The following TBXAS1 variants were observed in gnomAD, a reference collection of about 807,000 sequenced individuals.
TBXAS1 encodes thromboxane A synthase 1.
In TBXAS1, 48 loss-of-function variants were observed where a neutral mutation model predicts 60.7. The observed-to-expected ratio is 0.79, with a 90% CI of 0.63 to 1.01. The LOEUF (loss-of-function observed/expected upper bound fraction) is 1.01, where lower values mean the gene tolerates loss of function less well. Among genes scored for constraint, TBXAS1 ranks in the 50% least tolerant of loss-of-function variants. The pLI, the probability that TBXAS1 is intolerant of heterozygous loss-of-function variation, is 0.00. For synonymous variants in TBXAS1, 287 were observed against 269.7 expected (o/e 1.06, Z -0.63); for missense variants, 685 against 686.3 (o/e 1.00, Z 0.02).
chr7:139,955,079 G>A (rs1028041683), intron 6 of TBXAS1, among the ~76,000 whole-genome samples: 18 of 152,180 alleles, frequency 1.2e-4, no homozygotes, highest in African/African-American at 4.3e-4. Context: ...GCATGTAGGC[G>A]TTGGGTCACC....
Position 139,957,640 on chromosome 7 carries a change from T to C in TBXAS1, c.695T>C (p.Phe232Ser), listed in dbSNP as rs1809972666. 1 of 1,613,994 alleles carries C rather than the reference T, an allele frequency of 6.2e-7. No individual in the cohort carries two copies. Among genetic ancestry groups the C allele is most frequent in the Non-Finnish European group, 8.5e-7 (1 of 1,180,026 alleles). Reference sequence around the variant, plus strand: ...TTTGTTTTTCTCTTTCAAGTATCATTTCCATCCATAATGGTCCCACTGGCC... The same window carrying C: ...TTTGTTTTTCTCTTTCAAGTATCATCTCCATCCATAATGGTCCCACTGGCC... Reference protein sequence around the residue: ...PRPILVLLLSFPSIMVPLARI... With the variant: ...PRPILVLLLSSPSIMVPLARI... Residue 232 changes from phenylalanine (F) to serine (S), a missense_variant, in exon 8 of 13, where the codon TTT (phenylalanine) becomes TCT (serine). Transcript: ENST00000448866.
At chr7:140,015,022 T>C (rs1314715849) in intron 10 of TBXAS1, among the ~76,000 whole-genome samples, 3 of 152,184 alleles carry the variant, frequency 2.0e-5, no homozygotes, top group Non-Finnish European at 4.4e-5. Flanking sequence ...GTATCTAATG[T>C]ACTATTCTTC....
chr7:139,965,960 A>G (rs1810759338), intron 9 of TBXAS1, among the ~76,000 whole-genome samples: 1 of 151,596 alleles, frequency 6.6e-6, no homozygotes, highest in Admixed American at 6.6e-5. Flanking sequence ...AATGCAGATT[A>G]GATGTTCACA....
intron 3 of TBXAS1, among the ~76,000 whole-genome samples, chr7:139,889,843 A>C (rs1317920326): frequency 6.6e-6 from 1 of 152,200 alleles, no homozygotes; most frequent in African/African-American, 2.4e-5. Context: ...AGATTTCAAC[A>C]TATGAATCTG....
At chr7:139,890,656 AC>A (rs1803528587) in intron 3 of TBXAS1, among the ~76,000 whole-genome samples, 1 of 152,246 alleles carries the variant, frequency 6.6e-6, no homozygotes, top group Non-Finnish European at 1.5e-5. Flanking sequence ...CCCATAAAAG[AC>A]AACCATTAAT....
chr7:139,797,225 G>A (rs1417680101), intron 4 of TBXAS1: 1 of 152,208 alleles, frequency 6.6e-6, no homozygotes, highest in Non-Finnish European at 1.5e-5. Context: ...TTGAGGAAGA[G>A]CCATAACTAC....
chr7:139,824,049 G>A (rs1201001647), intron 4 of TBXAS1, among the ~76,000 whole-genome samples: 1 of 152,202 alleles, frequency 6.6e-6, no homozygotes, highest in Non-Finnish European at 1.5e-5. Context: ...CAGCAGAGAA[G>A]GAAGGCACCA....
chr7:139,889,745 G>T (rs1027073028), intron 3 of TBXAS1, among the ~76,000 whole-genome samples: 2 of 152,176 alleles, frequency 1.3e-5, no homozygotes, highest in African/African-American at 2.4e-5. Context: ...CTTTATAAGA[G>T]CACTAATCCT....
Position 139,975,827 on chromosome 7 carries a change from G to A in TBXAS1, c.1134+13594G>A, listed in dbSNP as rs1313201743. Among the ~76,000 whole-genome samples the A allele has an allele frequency of 2.0e-5, 3 of 152,184 alleles. No homozygotes were observed. Among genetic ancestry groups the A allele is most frequent in the African/African-American group, 7.2e-5 (3 of 41,440 alleles). Reference sequence around the variant, plus strand: ...CTTCGTGGCCCATGTGGCACAAGATGAAGAGTGCATGGGCAGCTTCTCCCC... The same window carrying A: ...CTTCGTGGCCCATGTGGCACAAGATAAAGAGTGCATGGGCAGCTTCTCCCC... On this transcript the variant is annotated intron_variant, in intron 9 of 12. Coordinates refer to ENST00000448866, the MANE Select transcript of TBXAS1 (RefSeq NM_001061.7). This position sits in a 1 kb window ranked among gnomAD's most constrained non-coding sequence, Gnocchi z 4.4.
intron 9 of TBXAS1, among the ~76,000 whole-genome samples, chr7:139,986,041 G>A (rs1251363560): frequency 6.6e-6 from 1 of 152,218 alleles, no homozygotes; most frequent in South Asian, 2.1e-4. Flanking sequence ...CAAAGTGTTG[G>A]CCAGGCCCAC....
intron 4 of TBXAS1, among the ~76,000 whole-genome samples, chr7:139,799,431 G>A (rs952474230): frequency 1.3e-5 from 2 of 151,996 alleles, no homozygotes; most frequent in Admixed American, 6.6e-5. Flanking sequence ...GGGTTTCAGC[G>A]TGTTGCCCAG....
chr7:139,979,329 A>G (rs1160696581), intron 9 of TBXAS1, among the ~76,000 whole-genome samples: 1 of 152,238 alleles, frequency 6.6e-6, no homozygotes, highest in East Asian at 1.9e-4. Flanking sequence ...AGCTTTAAGC[A>G]ACAAAGAAAT....
At chr7:139,983,628 A>T (rs1034603644) in intron 9 of TBXAS1, among the ~76,000 whole-genome samples, 2 of 151,992 alleles carry the variant, frequency 1.3e-5, no homozygotes, top group Non-Finnish European at 2.9e-5. Context: ...TTTCTCACCT[A>T]CTCAGTCTAG....
chr7:139,867,833 TA>T (rs1801536382), intron 1 of TBXAS1, among the ~76,000 whole-genome samples: 1 of 149,696 alleles, frequency 6.7e-6, no homozygotes, highest in African/African-American at 2.5e-5. Flanking sequence ...AAATAATAAA[TA>T]AATAAATAAA....
intron 9 of TBXAS1, among the ~76,000 whole-genome samples, chr7:140,001,083 G>A (rs1443702585): frequency 2.0e-5 from 3 of 152,204 alleles, no homozygotes; most frequent in Admixed American, 6.5e-5. Context: ...CCTCCCTTGT[G>A]GGACCCAAAG....
intron 9 of TBXAS1, among the ~76,000 whole-genome samples, chr7:139,995,904 C>T (rs923193827): frequency 1.3e-5 from 2 of 152,162 alleles, no homozygotes; most frequent in Non-Finnish European, 2.9e-5. Context: ...CCCTCGCTCC[C>T]TCTCATTCAT....
At chr7:139,813,825 A>T (rs1798083583) in intron 4 of TBXAS1, among the ~76,000 whole-genome samples, 1 of 152,208 alleles carries the variant, frequency 6.6e-6, no homozygotes, top group African/African-American at 2.4e-5. Context: ...ATCAGTTAGC[A>T]CATTTGAGAC....
chr7:139,802,224 A>C (rs1797740097), intron 4 of TBXAS1, among the ~76,000 whole-genome samples: 1 of 152,240 alleles, frequency 6.6e-6, no homozygotes. Context: ...CATTTTCTAC[A>C]GTAACATTTT....
intron 1 of TBXAS1, among the ~76,000 whole-genome samples, chr7:139,861,182 A>G (rs952811117): frequency 6.6e-6 from 1 of 152,004 alleles, no homozygotes; most frequent in Non-Finnish European, 1.5e-5. Flanking sequence ...CTCAAAAAAA[A>G]AAAAAAAAAT....
Sources: allele counts gnomAD v4.1 joint callset (sites outside exome capture counted in the v4.1 genomes callset), GRCh38; gene constraint gnomAD v4.1.1; non-coding constraint Gnocchi (gnomAD v3.1); transcripts MANE v1.5; gene names NCBI Gene and HGNC (gene_info 2026-07-23, HGNC 2026-07-21).